Variants in SPAST observed in about 807,000 individuals in gnomAD.
SPAST encodes spastic paraplegia 4 (autosomal dominant; spastin).
Under a neutral mutation model 76.6 loss-of-function variants are expected in SPAST, and 30 were observed. The ratio of observed to expected loss-of-function variants is 0.39; its 90% CI spans 0.29 to 0.53. SPAST has a LOEUF of 0.53. Among genes scored for constraint, SPAST ranks in the 20% least tolerant of loss-of-function variants. The pLI is 0.68. For synonymous variants in SPAST, 305 were observed against 281.0 expected (o/e 1.09, Z -0.86); for missense variants, 717 against 770.5 (o/e 0.93, Z 0.82).
chr2:32,079,287 G>T lies in SPAST; in HGVS notation c.416-8205G>T, dbSNP rs558090315. Among the ~76,000 whole-genome samples the T allele has an allele frequency of 1.4e-4, 22 of 152,072 alleles. No homozygotes were observed. The South Asian group carries it at 4.6e-3, about 32-fold the overall frequency. On this transcript the variant is annotated intron_variant, in intron 1 of 16. Coordinates refer to ENST00000315285, the MANE Select transcript of SPAST (RefSeq NM_014946.4). ...ATCGCAACATTTTGGGAGGCTAAGTGGGAGTATCACTTGAGCCCGGGAGTT... is the reference window on the plus strand; with the variant it reads ...ATCGCAACATTTTGGGAGGCTAAGTTGGAGTATCACTTGAGCCCGGGAGTT...
At chr2:32,092,514 C>T (rs1677762327) in intron 3 of SPAST, among the ~76,000 whole-genome samples, 1 of 152,092 alleles carries the variant, frequency 6.6e-6, no homozygotes, top group Admixed American at 6.6e-5. Flanking sequence ...CAATTAGAGA[C>T]TCATCTTTGA....
At position 32,154,763 on chromosome 2, in the gene SPAST, C is replaced by T. The variant is rs546328474; in HGVS notation, c.*267C>T. On this transcript the variant is annotated 3_prime_UTR_variant, in exon 17 of 17. Coordinates refer to ENST00000315285, the MANE Select transcript of SPAST (RefSeq NM_014946.4). ...AGTTAGAGCACAACAAAACCTGATT[C>T]TGGTCTTCTTTACCAATATAATCAT... 2 of 434,494 alleles carry T rather than the reference C, an allele frequency of 4.6e-6. No homozygotes were observed. Among genetic ancestry groups the T allele is most frequent in the East Asian group, 4.5e-5 (1 of 22,328 alleles). The allele number at this position is 434,494 out of a possible 1,614,324, so 26.9% of individuals were successfully genotyped here.
rs62142114 is a variant in SPAST at position 32,126,974 on chromosome 2, C to T, written c.1125C>T (p.Ala375=). ...TGTTCACAGGGCTTAGAGCTCCTGC[C>T]AGAGGGCTGTTACTCTTTGGTCCAC... ...PELFTGLRAP[A]RGLLLFGPPG... Residue 375 remains alanine (A), a synonymous_variant, in exon 8 of 17, where the codon GCC becomes GCT. Coordinates refer to ENST00000315285, the MANE Select transcript of SPAST (RefSeq NM_014946.4). 4 of 1,612,454 alleles carry T rather than the reference C, an allele frequency of 2.5e-6. No individual in the cohort carries two copies. In the African/African-American group the frequency reaches 4.0e-5, roughly 16 times the overall value.
chr2:32,091,957 C>G (rs559812415), intron 3 of SPAST, among the ~76,000 whole-genome samples: 6 of 152,008 alleles, frequency 3.9e-5, no homozygotes, highest in African/African-American at 9.7e-5. Flanking sequence ...TATTTTTGAC[C>G]ATTGAATTAT....
At chr2:32,089,708 C>A (rs1222121626) in intron 3 of SPAST, 103 bp downstream of exon 3, 1 of 731,804 alleles carries the variant, frequency 1.4e-6, no homozygotes, top group Non-Finnish European at 2.5e-6. Context: ...AAATGTGGTC[C>A]AGGCTTTTTA....
Position 32,143,429 on chromosome 2 carries a change from A to G in SPAST, c.1616+14A>G. 6.6e-7 allele frequency: 1 copy of G among 1,524,614 alleles called. No individual in the cohort carries two copies. The highest frequency in any genetic ancestry group is 1.8e-4 in the Middle Eastern group (1 of 5,452). 94.4% of individuals were successfully genotyped at this position (1,524,614 alleles called of 1,614,324 possible). A position where few individuals can be genotyped will look rare whatever the true frequency, so the allele number is the denominator to read the frequency against. ...ACAACTTGCTAGGTGAGTAATTTGG[A>G]TTTGGTTTATCTTACAGCTTTTATT... On this transcript the variant is annotated intron_variant, in intron 14 of 16. Coordinates refer to ENST00000315285, the MANE Select transcript of SPAST (RefSeq NM_014946.4).
chr2:32,094,094 C>CCAGCA (rs1677831724), intron 3 of SPAST, among the ~76,000 whole-genome samples: 1 of 152,154 alleles, frequency 6.6e-6, no homozygotes, highest in Non-Finnish European at 1.5e-5. Context: ...CAATTTTTAA[C>CCAGCA]CAGCACATAA....
In SPAST at chr2:32,087,598, T is replaced by C; in HGVS notation, c.502+20T>C. On this transcript the variant is annotated intron_variant, in intron 2 of 16. Transcript: ENST00000315285. ...GACAAGGTAAGATTGTATTTGTTTA[T>C]AGCCATCCCAAATTATGATATATTC... The C allele has an allele frequency of 7.8e-7, 1 of 1,284,934 alleles. No homozygotes were observed. The highest frequency in any genetic ancestry group is 1.1e-6 in the Non-Finnish European group (1 of 893,598). The allele number at this position is 1,284,934 out of a possible 1,614,324, so 79.6% of individuals were successfully genotyped here.
chr2:32,075,386 A>G (rs758477609), intron 1 of SPAST, among the ~76,000 whole-genome samples: 53 of 139,638 alleles, frequency 3.8e-4, no homozygotes, highest in Non-Finnish European at 6.9e-4. Flanking sequence ...AGATCGCGCC[A>G]CTGCACCCCA....
At chr2:32,126,819 G>A (rs1253894073) in intron 7 of SPAST, 129 bp from the exon 8 acceptor site, 2 of 655,362 alleles carry the variant, frequency 3.1e-6, no homozygotes, top group African/African-American at 1.8e-5. Context: ...ATGATTATGT[G>A]TTTCCTTTAA....
At chr2:32,114,610 C>T in intron 4 of SPAST, 28 bp from the exon 5 acceptor site, 1 of 1,590,976 alleles carries the variant, frequency 6.3e-7, no homozygotes, top group South Asian at 1.1e-5. Flanking sequence ...ATTTTCTAAT[C>T]ACAATGGTTT....
At chr2:32,125,327 G>A (rs1048470194) in intron 7 of SPAST, among the ~76,000 whole-genome samples, 2 of 151,872 alleles carry the variant, frequency 1.3e-5, no homozygotes, top group African/African-American at 2.4e-5. Flanking sequence ...GGGTTCAAGC[G>A]ATTCTCATGC....
At chr2:32,117,347 T>C (rs1477622871) in intron 7 of SPAST, among the ~76,000 whole-genome samples, 1 of 152,040 alleles carries the variant, frequency 6.6e-6, no homozygotes, top group Admixed American at 6.5e-5. Context: ...CCTGACACAA[T>C]GAGTTTTCCC....
intron 1 of SPAST, among the ~76,000 whole-genome samples, chr2:32,065,050 C>T (rs1676454719): frequency 6.6e-6 from 1 of 150,666 alleles, no homozygotes; most frequent in Non-Finnish European, 1.5e-5. Context: ...GACGGAATCT[C>T]GCCCTGTCGC....
At chr2:32,110,602 CTA>C (rs1164596937) in intron 4 of SPAST, among the ~76,000 whole-genome samples, 11 of 124,400 alleles carry the variant, frequency 8.8e-5, no homozygotes, top group Non-Finnish European at 1.7e-4. Flanking sequence ...CGTATATACA[CTA>C]TATACTATAT....
intron 16 of SPAST, among the ~76,000 whole-genome samples, chr2:32,150,239 A>ATTTTT (rs11363493): frequency 0.017 from 1,120 of 65,902 alleles, no homozygotes; most frequent in Non-Finnish European, 0.02. Flanking sequence ...CGCCCAGCTA[A>ATTTTT]TTTTTTTTTT....
At chr2:32,075,374 C>T (rs1676909570) in intron 1 of SPAST, among the ~76,000 whole-genome samples, 1 of 141,288 alleles carries the variant, frequency 7.1e-6, no homozygotes, top group Admixed American at 7.6e-5. Context: ...TGCAGTGAGC[C>T]GAGATCGCGC....
chr2:32,080,186 G>T (rs1317432352), intron 1 of SPAST, among the ~76,000 whole-genome samples: 3 of 152,086 alleles, frequency 2.0e-5, no homozygotes, highest in Non-Finnish European at 4.4e-5. Flanking sequence ...ATGATGCTCA[G>T]CATTTTGTCA....
At chr2:32,110,409 C>T (rs567934939) in intron 4 of SPAST, among the ~76,000 whole-genome samples, 119 of 147,148 alleles carry the variant, frequency 8.1e-4, no homozygotes, top group Non-Finnish European at 1.5e-3. Flanking sequence ...TGAGCCACCG[C>T]GCCTGGTCCC....
Sources: allele counts gnomAD v4.1 joint callset (sites outside exome capture counted in the v4.1 genomes callset), GRCh38; gene constraint gnomAD v4.1.1; transcripts MANE v1.5; gene names NCBI Gene and HGNC (gene_info 2026-07-23, HGNC 2026-07-21).